The following TLE4 variants were observed in gnomAD, a reference collection of about 807,000 sequenced individuals.
The protein encoded by TLE4 is transducin-like enhancer protein 4.
Under a neutral mutation model 92.8 loss-of-function variants are expected in TLE4, and 8 were observed. The observed-to-expected ratio is 0.09, with a 90% CI of 0.05 to 0.16. TLE4 has a LOEUF of 0.16. TLE4 is among the 10% of genes least tolerant of loss of function. The pLI, the probability that TLE4 is intolerant of heterozygous loss-of-function variation, is 1.00. For missense variants in TLE4, 675 were observed against 997.6 expected, an observed-to-expected ratio of 0.68 and a Z score of 4.36; for synonymous variants, 371 against 374.1, an observed-to-expected ratio of 0.99 and a Z score of 0.10.
At position 79,704,769 on chromosome 9, in the gene TLE4, CCTT is replaced by C. The variant is rs774963570; in HGVS notation, c.610-11_610-9del. On this transcript the variant is annotated splice_polypyrimidine_tract_variant and intron_variant, in intron 8 of 19. Coordinates refer to ENST00000376552, the MANE Select transcript of TLE4 (RefSeq NM_007005.6). ...ATAATTTCTCAACCATGCTTCCTCT[CCTT>C]CTAATTCCAGAGCTCTTCAGTATCC... 5 of 1,604,068 alleles carry C rather than the reference CCTT, an allele frequency of 3.1e-6. No individual in the cohort carries two copies. Among genetic ancestry groups the C allele is most frequent in the Non-Finnish European group, 4.2e-6 (5 of 1,177,510 alleles).
At chr9:79,713,619 C>A (rs1337023460) in intron 14 of TLE4, among the ~76,000 whole-genome samples, 1 of 152,144 alleles carries the variant, frequency 6.6e-6, no homozygotes, top group Non-Finnish European at 1.5e-5. Flanking sequence ...TCAGAAAGTA[C>A]TTTTGTAAAT....
chr9:79,710,423 A>C (rs1405871169), intron 14 of TLE4, among the ~76,000 whole-genome samples: 1 of 152,170 alleles, frequency 6.6e-6, no homozygotes, highest in African/African-American at 2.4e-5. Context: ...CCTCCCCCGC[A>C]GATCCTCCTT....
chr9:79,724,848 TTAAAAAAAAAAAAA>T (rs1162059275), intron 19 of TLE4, among the ~76,000 whole-genome samples, 175 bp from the exon 20 acceptor site: 65 of 22,850 alleles, frequency 2.8e-3, no homozygotes, highest in Admixed American at 0.013. Context: ...CCCTGTCTTA[TTAAAAAAAAAAAAA>T]AAAAAAAAAA....
At chr9:79,653,104 C>T (rs192343525) in intron 7 of TLE4, among the ~76,000 whole-genome samples, 80 of 152,294 alleles carry the variant, frequency 5.3e-4, no homozygotes, top group Non-Finnish European at 2.4e-4. Context: ...TTTGAAGTAG[C>T]ATGTTGCATT....
At chr9:79,709,818 A>C (rs1490671550) in intron 14 of TLE4, 119 bp downstream of exon 14, 3 of 714,270 alleles carry the variant, frequency 4.2e-6, no homozygotes, top group Non-Finnish European at 6.7e-6. Flanking sequence ...GTATTTTTTT[A>C]CCTTGCAAGG....
At chr9:79,649,635 T>G (rs2058629554) in intron 6 of TLE4, 1 of 301,720 alleles carries the variant, frequency 3.3e-6, no homozygotes, top group Non-Finnish European at 6.3e-6. Context: ...AAAAGGACCC[T>G]TCTCTAAGAT....
chr9:79,657,718 G>A (rs549816608), intron 8 of TLE4, among the ~76,000 whole-genome samples: 45 of 152,288 alleles, frequency 3.0e-4, no homozygotes, highest in Admixed American at 7.2e-4. Context: ...TTCAGAAATC[G>A]TCTTATTTCC....
chr9:79,693,724 C>A, intron 8 of TLE4: 1 of 490,910 alleles, frequency 2.0e-6, no homozygotes, highest in South Asian at 1.5e-5. Flanking sequence ...ATGAATTGTC[C>A]TTGCATTAAA....
At chr9:79,697,461 C>G (rs891200051) in intron 8 of TLE4, among the ~76,000 whole-genome samples, 30 of 152,054 alleles carry the variant, frequency 2.0e-4, no homozygotes, top group Admixed American at 1.8e-3. Flanking sequence ...TGTGGCCCAA[C>G]ACTTGCACCA....
At chr9:79,665,500 T>TA (rs2061249617) in intron 8 of TLE4, among the ~76,000 whole-genome samples, 1 of 152,200 alleles carries the variant, frequency 6.6e-6, no homozygotes, top group Non-Finnish European at 1.5e-5. Context: ...AATGTGCATA[T>TA]AAAACCAGTT....
At chr9:79,659,666 A>G (rs2060255168) in intron 8 of TLE4, among the ~76,000 whole-genome samples, 1 of 152,102 alleles carries the variant, frequency 6.6e-6, no homozygotes, top group South Asian at 2.1e-4. Flanking sequence ...TTGTCCTCTT[A>G]TACAATTCCA....
intron 4 of TLE4, among the ~76,000 whole-genome samples, chr9:79,599,406 T>TA (rs2044986407): frequency 6.6e-6 from 1 of 152,198 alleles, no homozygotes; most frequent in Admixed American, 6.5e-5. Context: ...GATTGTGAGT[T>TA]AATTCGTCTG....
chr9:79,718,779 C>T lies in TLE4; in HGVS notation c.1398C>T (p.Pro466=), dbSNP rs367570785. ...AGATGCAGCCTGTCCCTTTTCCACC[C>T]GACGCCCTCATCGGACCTGGAATCC... ...DGQMQPVPFP[P]DALIGPGIPR... The change falls in exon 15 of 20, where the codon CCC becomes CCT. Residue 466 remains proline, a synonymous_variant. Transcript: ENST00000376552. 7.4e-6 allele frequency: 12 copies of T among 1,614,022 alleles called. No homozygotes were observed. Among genetic ancestry groups the T allele is most frequent in the African/African-American group, 5.3e-5 (4 of 74,882 alleles).
intron 6 of TLE4, among the ~76,000 whole-genome samples, chr9:79,647,945 A>G (rs1462332966): frequency 1.3e-5 from 2 of 151,580 alleles, no homozygotes; most frequent in East Asian, 3.9e-4. Context: ...GGATGGGTAG[A>G]ATTTATACAT....
At chr9:79,576,366 T>C (rs923230859) in intron 4 of TLE4, 189 bp downstream of exon 4, 11 of 376,550 alleles carry the variant, frequency 2.9e-5, no homozygotes, top group Non-Finnish European at 4.8e-5. Flanking sequence ...TCCTAATTTT[T>C]ATAATTTAAA....
At chr9:79,595,939 C>A (rs543734273) in intron 4 of TLE4, among the ~76,000 whole-genome samples, 2 of 151,622 alleles carry the variant, frequency 1.3e-5, no homozygotes, top group Non-Finnish European at 2.9e-5. Flanking sequence ...CTCTGCCTCC[C>A]GGGTTCACAC....
At chr9:79,711,058 T>G (rs972742232) in intron 14 of TLE4, among the ~76,000 whole-genome samples, 2 of 152,220 alleles carry the variant, frequency 1.3e-5, no homozygotes, top group African/African-American at 2.4e-5. Context: ...ATCCCTTCAG[T>G]GTTGCCTAAC....
intron 19 of TLE4, among the ~76,000 whole-genome samples, chr9:79,723,871 T>C (rs2076027130): frequency 6.6e-6 from 1 of 152,150 alleles, no homozygotes; most frequent in Admixed American, 6.5e-5. Flanking sequence ...TTATCACTTG[T>C]TAGATAGTCC....
intron 4 of TLE4, among the ~76,000 whole-genome samples, chr9:79,583,651 G>A (rs1000535027): frequency 6.6e-6 from 1 of 151,792 alleles, no homozygotes; most frequent in Non-Finnish European, 1.5e-5. Flanking sequence ...TATTATTATT[G>A]TAATTTGGGT....
Sources: allele counts gnomAD v4.1 joint callset (sites outside exome capture counted in the v4.1 genomes callset), GRCh38; gene constraint gnomAD v4.1.1; transcripts MANE v1.5; gene names NCBI Gene and HGNC (gene_info 2026-07-23, HGNC 2026-07-21).